Variants in LGR4 observed in about 807,000 individuals in gnomAD.
LGR4 encodes leucine rich repeat containing G protein-coupled receptor 4.
A neutral mutation model predicts 84.8 loss-of-function variants in LGR4; 44 were observed. The ratio of observed to expected loss-of-function variants is 0.52; its 90% CI spans 0.41 to 0.67. The LOEUF (loss-of-function observed/expected upper bound fraction) is 0.67, where lower values mean the gene tolerates loss of function less well. Among genes scored for constraint, LGR4 ranks in the 30% least tolerant of loss-of-function variants. The pLI is 0.00. For missense variants in LGR4, 1,032 were observed against 1,131.4 expected (o/e 0.91, Z 1.26); for synonymous variants, 429 against 434.3 (o/e 0.99, Z 0.15).
chr11:27,421,065 T>C (rs1019961609), intron 1 of LGR4, among the ~76,000 whole-genome samples: 17 of 152,314 alleles, frequency 1.1e-4, no homozygotes, highest in Admixed American at 1.1e-3. Context: ...CAGCAAAGTT[T>C]ATGCACATCA....
intron 2 of LGR4, among the ~76,000 whole-genome samples, chr11:27,396,389 C>T (rs1437028509): frequency 3.3e-5 from 5 of 152,182 alleles, no homozygotes; most frequent in African/African-American, 1.2e-4. Context: ...AACAGACCTA[C>T]AGTGCCATCC....
chr11:27,382,084 T>C (rs890217938), intron 7 of LGR4, 104 bp downstream of exon 7: 1 of 752,950 alleles, frequency 1.3e-6, no homozygotes, highest in East Asian at 2.5e-5. Context: ...GCATGTATTA[T>C]GGATATACGT....
chr11:27,447,648 G>T (rs1367280210), intron 1 of LGR4, among the ~76,000 whole-genome samples: 1 of 152,136 alleles, frequency 6.6e-6, no homozygotes, highest in Non-Finnish European at 1.5e-5. Flanking sequence ...TAATAAACTT[G>T]TTTTCACTTA....
At chr11:27,464,304 C>G (rs1282376797) in intron 1 of LGR4, among the ~76,000 whole-genome samples, 1 of 152,142 alleles carries the variant, frequency 6.6e-6, no homozygotes, top group Non-Finnish European at 1.5e-5. Context: ...CTTATGGTTT[C>G]TTCAAGGGCT....
chr11:27,460,272 C>T (rs922519561), intron 1 of LGR4, among the ~76,000 whole-genome samples: 3 of 152,144 alleles, frequency 2.0e-5, no homozygotes, highest in Admixed American at 6.5e-5. Flanking sequence ...CTATATGCAA[C>T]GGAAACCTTT....
chr11:27,463,188 G>A (rs34675297), intron 1 of LGR4, among the ~76,000 whole-genome samples: 40,801 of 151,664 alleles, frequency 0.27, 6,216 homozygotes, highest in African/African-American at 0.41. Flanking sequence ...GGAGGTTGAG[G>A]CTGCAGTGAG....
Position 27,388,677 on chromosome 11 carries a change from C to T in LGR4, c.401+2417G>A, listed in dbSNP as rs375936489. ...TACAGTAACAAAATAATATTAAATG[C>T]AGATATTTAACTGTTGAAAGTCTTT... On this transcript the variant is annotated intron_variant, in intron 4 of 17. Coordinates refer to ENST00000379214, the MANE Select transcript of LGR4 (RefSeq NM_018490.5). Among the ~76,000 whole-genome samples the T allele has an allele frequency of 2.0e-5, 3 of 151,980 alleles. No individual in the cohort carries two copies. The East Asian group carries it at 5.8e-4, about 29-fold the overall frequency.
intron 14 of LGR4, 29 bp from the exon 15 acceptor site, chr11:27,373,705 T>C: frequency 1.3e-6 from 2 of 1,532,480 alleles, no homozygotes; most frequent in Admixed American, 2.0e-5. Flanking sequence ...TTCAAGTTAA[T>C]GCCCAATATA....
At chr11:27,403,658 A>G (rs774485835) in intron 2 of LGR4, among the ~76,000 whole-genome samples, 1 of 152,222 alleles carries the variant, frequency 6.6e-6, no homozygotes, top group Admixed American at 6.5e-5. Flanking sequence ...AATTGTATAC[A>G]TATACTCAGA....
intron 4 of LGR4, among the ~76,000 whole-genome samples, chr11:27,389,280 T>C (rs1863238014): frequency 1.3e-5 from 2 of 152,100 alleles, no homozygotes; most frequent in African/African-American, 4.8e-5. Flanking sequence ...GCTCTTTGTG[T>C]TTCTGATGTA....
At position 27,436,347 on chromosome 11, in the gene LGR4, GAGAAAGAA is replaced by G. The variant is rs57183310; in HGVS notation, c.186-23495_186-23488del. Among the ~76,000 whole-genome samples, 1,064 of 134,700 alleles carry G rather than the reference GAGAAAGAA, an allele frequency of 7.9e-3. 7 individuals are homozygous for G. The highest frequency in any genetic ancestry group is 0.01 in the Non-Finnish European group (655 of 64,042). 88.4% of individuals were successfully genotyped at this position (134,700 alleles called of 152,430 possible). A position where few individuals can be genotyped will look rare whatever the true frequency, so the allele number is the denominator to read the frequency against. ...AAGAAATAAAAGACAGAGAGAGAGAGAGAAAGAAAGAAAGAAAGAAAGAAAGAGAGAGA... is the reference window on the plus strand; with the variant it reads ...AAGAAATAAAAGACAGAGAGAGAGAGAGAAAGAAAGAAAGAAAGAGAGAGA... On this transcript the variant is annotated intron_variant, in intron 1 of 17. Transcript: ENST00000379214.
At chr11:27,408,267 T>G (rs906307191) in intron 2 of LGR4, among the ~76,000 whole-genome samples, 1 of 152,170 alleles carries the variant, frequency 6.6e-6, no homozygotes, top group South Asian at 2.1e-4. Flanking sequence ...TTAACTGTCC[T>G]ACAGATGAAA....
At chr11:27,458,042 A>G (rs1020215527) in intron 1 of LGR4, among the ~76,000 whole-genome samples, 1 of 152,112 alleles carries the variant, frequency 6.6e-6, no homozygotes, top group Non-Finnish European at 1.5e-5. Context: ...AGGTAGGAGG[A>G]CTGCTTGAGC....
intron 1 of LGR4, among the ~76,000 whole-genome samples, chr11:27,449,623 A>G (rs1340521666): frequency 6.6e-6 from 1 of 151,990 alleles, no homozygotes; most frequent in East Asian, 1.9e-4. Context: ...ACTATTATTA[A>G]AAAAAGAAAA....
At chr11:27,436,963 A>C (rs1864222840) in intron 1 of LGR4, among the ~76,000 whole-genome samples, 1 of 152,164 alleles carries the variant, frequency 6.6e-6, no homozygotes. Context: ...GGCACTAAAA[A>C]ATCTGGCATA....
chr11:27,393,541 T>G (rs1168629849), intron 2 of LGR4, among the ~76,000 whole-genome samples: 1 of 152,048 alleles, frequency 6.6e-6, no homozygotes, highest in Non-Finnish European at 1.5e-5. Flanking sequence ...TTAAATTTTT[T>G]AATTTAAAAA....
At chr11:27,422,449 CT>C (rs1863938272) in intron 1 of LGR4, among the ~76,000 whole-genome samples, 3 of 152,192 alleles carry the variant, frequency 2.0e-5, no homozygotes, top group Middle Eastern at 3.4e-3. Context: ...TCATAGCCAA[CT>C]TTTTTAAAAA....
intron 1 of LGR4, among the ~76,000 whole-genome samples, chr11:27,441,259 G>A (rs1183943350): frequency 6.6e-6 from 1 of 151,590 alleles, no homozygotes; most frequent in East Asian, 1.9e-4. Context: ...GTGCCATAAT[G>A]GAAAGCCTTT....
At chr11:27,432,188 T>G (rs553372628) in intron 1 of LGR4, among the ~76,000 whole-genome samples, 2 of 152,294 alleles carry the variant, frequency 1.3e-5, no homozygotes, top group Non-Finnish European at 2.9e-5. Context: ...GATGGGCTAG[T>G]CTTTACAATT....
Sources: gnomAD v4.1 joint callset for allele counts (sites outside exome capture counted in the v4.1 genomes callset) on GRCh38, gnomAD v4.1.1 for gene constraint, MANE v1.5 for transcripts, NCBI Gene and HGNC (gene_info 2026-07-23, HGNC 2026-07-21) for gene names.